Variants in NUBP2 observed in about 807,000 individuals in gnomAD.
NUBP2 encodes the protein cytosolic Fe-S cluster assembly factor NUBP2.
Under a neutral mutation model 24.9 loss-of-function variants are expected in NUBP2, and 23 were observed. That is an observed-to-expected ratio of 0.92 (90% CI 0.66 to 1.31). The LOEUF is 1.31. NUBP2 is among the 50% of genes most tolerant of loss of function. The probability of loss-of-function intolerance (pLI) is 0.00; values close to 1 mark genes in which losing one functional copy is unlikely to be tolerated. For synonymous variants in NUBP2, 186 were observed against 170.9 expected (o/e 1.09, Z -0.69); for missense variants, 403 against 386.5 (o/e 1.04, Z -0.36).
intron 1 of NUBP2, chr16:1,786,245 T>C (rs1896959524): frequency 6.6e-6 from 3 of 456,598 alleles, no homozygotes; most frequent in South Asian, 5.4e-5. Context: ...AAGGAACGCA[T>C]GCACCCTTCC....
chr16:1,788,041 C>T lies in NUBP2; in HGVS notation c.590C>T (p.Pro197Leu). 6.3e-7 allele frequency: 1 copy of T among 1,592,064 alleles called. No individual in the cohort carries two copies. Among genetic ancestry groups the T allele is most frequent in the Non-Finnish European group, 8.5e-7 (1 of 1,172,426 alleles). Residue 197 changes from proline to leucine, a missense_variant, in exon 5 of 7, where the codon CCA becomes CTA. Coordinates refer to ENST00000262302, the MANE Select transcript of NUBP2 (RefSeq NM_012225.4). ...IVENMSGFTC[P>L]HCTECTSVFS... ...GAGAATATGAGCGGCTTCACCTGCC[C>T]ACACTGCACGGTGAGTCCCGGGGGT...
chr16:1,788,400 G>C (rs550345270), intron 6 of NUBP2, among the ~76,000 whole-genome samples, 169 bp from the exon 7 acceptor site: 20 of 152,300 alleles, frequency 1.3e-4, no homozygotes, highest in African/African-American at 4.8e-4. Context: ...GGGCCCTCTC[G>C]GGTGGCAGGA....
At chr16:1,785,951 C>T (rs1896945526) in intron 1 of NUBP2, 3 of 1,248,320 alleles carry the variant, frequency 2.4e-6, no homozygotes, top group Middle Eastern at 2.9e-4. Flanking sequence ...GCAGCCCCTG[C>T]CGTGTGGCAG....
chr16:1,785,779 G>A (rs746508391), intron 1 of NUBP2: 16 of 1,289,018 alleles, frequency 1.2e-5, no homozygotes, highest in African/African-American at 1.5e-5. Context: ...CTTGAGAGGC[G>A]GATCAGAAGG....
At position 1,788,810 on chromosome 16, in the gene NUBP2, AGGGGCAGG is replaced by A; in HGVS notation, c.*97_*104del. On this transcript the variant is annotated 3_prime_UTR_variant, in exon 7 of 7. Coordinates refer to ENST00000262302, the MANE Select transcript of NUBP2 (RefSeq NM_012225.4). The stretch of plus-strand genomic sequence containing the variant: ...CCTGGGCTCGGTTCCCGGGCCCTGC[AGGGGCAGG>A]CCCAGGCAGCGTCAGCCGGAGAGCT... 1 of 1,425,024 alleles carries A rather than the reference AGGGGCAGG, an allele frequency of 7.0e-7. No homozygotes were observed. Among genetic ancestry groups the A allele is most frequent in the Non-Finnish European group, 9.3e-7 (1 of 1,075,814 alleles). The allele number at this position is 1,425,024 out of a possible 1,614,324, so 88.3% of individuals were successfully genotyped here. A position where few individuals can be genotyped will look rare whatever the true frequency, so the allele number is the denominator to read the frequency against.
In NUBP2 at chr16:1,788,010, A is replaced by G. The variant is rs1252398131; in HGVS notation, c.559A>G (p.Ile187Val). The change falls in exon 5 of 7, where the codon ATC becomes GTC. Residue 187 changes from isoleucine to valine, a missense_variant. Ile to Val is a conservative substitution (Grantham distance 29). Coordinates refer to ENST00000262302, the MANE Select transcript of NUBP2 (RefSeq NM_012225.4). ...CRKTGLRVMG[I>V]VENMSGFTCP... is the part of the protein sequence containing the mutation. ...GAAGACGGGCTTGCGGGTGATGGGA[A>G]TCGTGGAGAATATGAGCGGCTTCAC... The G allele has an allele frequency of 6.2e-7, 1 of 1,603,090 alleles. No homozygotes were observed. Among genetic ancestry groups the G allele is most frequent in the African/African-American group, 1.3e-5 (1 of 74,112 alleles).
intron 1 of NUBP2, 84 bp downstream of exon 1, chr16:1,783,120 G>C (rs547742553): frequency 6.6e-6 from 8 of 1,213,176 alleles, no homozygotes; most frequent in Non-Finnish European, 8.2e-6. Flanking sequence ...GCCTCGCTGC[G>C]TCGCGCGCCT....
At chr16:1,786,726 C>T (rs778153679) in intron 2 of NUBP2, 31 bp from the exon 3 acceptor site, 5 of 1,609,470 alleles carry the variant, frequency 3.1e-6, no homozygotes, top group Middle Eastern at 1.6e-4. Flanking sequence ...CCTGGCGGTG[C>T]CCCCGGCCTA....
At position 1,788,763 on chromosome 16, in the gene NUBP2, C is replaced by T; in HGVS notation, c.*49C>T. 1 of 1,564,768 alleles carries T rather than the reference C, an allele frequency of 6.4e-7. No homozygotes were observed. The highest frequency in any genetic ancestry group is 2.3e-5 in the East Asian group (1 of 43,824). On this transcript the variant is annotated 3_prime_UTR_variant, in exon 7 of 7. Coordinates refer to ENST00000262302, the MANE Select transcript of NUBP2 (RefSeq NM_012225.4). ...TCCAGGGCCACCAAGGGCTCTGCTC[C>T]AGCCTCTCAGAGAAACAGAGGCCTG...
intron 3 of NUBP2, chr16:1,787,342 G>A (rs1023615311): frequency 4.5e-6 from 2 of 440,978 alleles, no homozygotes; most frequent in South Asian, 3.6e-5. Context: ...GCACCAGTGG[G>A]GCATCCACCA....
At chr16:1,788,283 C>A (rs1257254835) in intron 6 of NUBP2, 76 bp downstream of exon 6, 2 of 1,339,144 alleles carry the variant, frequency 1.5e-6, no homozygotes, top group African/African-American at 1.5e-5. Context: ...ACCTCCATGC[C>A]CCCAGTGCCC....
At chr16:1,783,372 C>A (rs1378918298) in intron 1 of NUBP2, 1 of 1,083,468 alleles carries the variant, frequency 9.2e-7, no homozygotes, top group East Asian at 5.9e-5. Flanking sequence ...TGCAACTGCA[C>A]CGCAGCCCGG....
rs1897124855 is a variant in NUBP2 at position 1,788,814 on chromosome 16, G to A, written c.*100G>A. The A allele has an allele frequency of 7.2e-7, 1 of 1,387,056 alleles. No individual in the cohort carries two copies. Among genetic ancestry groups the A allele is most frequent in the Non-Finnish European group, 9.5e-7 (1 of 1,049,730 alleles). 85.9% of individuals were successfully genotyped at this position (1,387,056 alleles called of 1,614,324 possible). Reference sequence around the variant, plus strand: ...GGCTCGGTTCCCGGGCCCTGCAGGGGCAGGCCCAGGCAGCGTCAGCCGGAG... The same window carrying A: ...GGCTCGGTTCCCGGGCCCTGCAGGGACAGGCCCAGGCAGCGTCAGCCGGAG... On this transcript the variant is annotated 3_prime_UTR_variant, in exon 7 of 7. Transcript: ENST00000262302.
In NUBP2 at chr16:1,788,836, G is replaced by A. The variant is rs907159668; in HGVS notation, c.*122G>A. The A allele has an allele frequency of 2.2e-5, 27 of 1,246,640 alleles. No individual in the cohort carries two copies. The highest frequency in any genetic ancestry group is 5.2e-5 in the East Asian group (2 of 38,224). The allele number at this position is 1,246,640 out of a possible 1,614,324, so 77.2% of individuals were successfully genotyped here. The stretch of plus-strand genomic sequence containing the variant: ...GGGGCAGGCCCAGGCAGCGTCAGCC[G>A]GAGAGCTTCTCCCCGACCAGCCCAG... On this transcript the variant is annotated 3_prime_UTR_variant, in exon 7 of 7. Coordinates refer to ENST00000262302, the MANE Select transcript of NUBP2 (RefSeq NM_012225.4).
At position 1,787,990 on chromosome 16, in the gene NUBP2, C is replaced by CG. The variant is rs1001400199; in HGVS notation, c.542dup (p.Arg183AlafsTer190). On this transcript the variant is annotated frameshift_variant, in exon 5 of 7. Coordinates refer to ENST00000262302, the MANE Select transcript of NUBP2 (RefSeq NM_012225.4). LOFTEE classifies it high-confidence loss of function. ...CGCGAGCTGACCTTCTGTAGGAAGA[C>CG]GGGCTTGCGGGTGATGGGAATCGTG... 1 of 1,605,054 alleles carries CG rather than the reference C, an allele frequency of 6.2e-7. No homozygotes were observed. The highest frequency in any genetic ancestry group is 1.3e-5 in the African/African-American group (1 of 74,284).
rs563884441 is a variant in NUBP2 at position 1,788,975 on chromosome 16, C to G, written c.*261C>G. On this transcript the variant is annotated 3_prime_UTR_variant, in exon 7 of 7. Coordinates refer to ENST00000262302, the MANE Select transcript of NUBP2 (RefSeq NM_012225.4). The stretch of plus-strand genomic sequence containing the variant: ...TGGGCTCTCTTCCCATCCATGTTGC[C>G]TACCTGTGCCCCTGGCAGCCGCGTG... 61 of 474,784 alleles carry G rather than the reference C, an allele frequency of 1.3e-4. No individual in the cohort carries two copies. The highest frequency in any genetic ancestry group is 1.0e-3 in the African/African-American group (52 of 50,546). 29.4% of individuals were successfully genotyped at this position (474,784 alleles called of 1,614,324 possible).
rs1897064323 is a variant in NUBP2 at position 1,787,953 on chromosome 16, G to A, written c.502G>A (p.Gly168Arg). 2 of 1,604,910 alleles carry A rather than the reference G, an allele frequency of 1.2e-6. No individual in the cohort carries two copies. Among genetic ancestry groups the A allele is most frequent in the African/African-American group, 1.3e-5 (1 of 74,492 alleles). ...TCCTGCCCCGCAGGCGGTGTCCGTG[G>A]GGGACGTGAGGCGCGAGCTGACCTT... Reference protein sequence around the residue: ...VVTTPQAVSVGDVRRELTFCR... With the variant: ...VVTTPQAVSVRDVRRELTFCR... The change falls in exon 5 of 7, where the codon GGG becomes AGG. Residue 168 changes from glycine (G) to arginine (R), a missense_variant. Physicochemically the swap from Gly to Arg is moderately radical, Grantham distance 125 (BLOSUM62 -2). Transcript: ENST00000262302.
At chr16:1,787,044 C>T in intron 3 of NUBP2, 89 bp downstream of exon 3, 1 of 1,280,038 alleles carries the variant, frequency 7.8e-7, no homozygotes, top group Non-Finnish European at 1.0e-6. Flanking sequence ...TCTTCAGCAG[C>T]CAGGCCTGTT....
intron 1 of NUBP2, 102 bp from the exon 2 acceptor site, chr16:1,786,435 G>A (rs1206353232): frequency 9.7e-7 from 1 of 1,032,602 alleles, no homozygotes; most frequent in Non-Finnish European, 1.4e-6. Context: ...ATTCACCACT[G>A]CCCCGCTCAG....
Sources: allele counts gnomAD v4.1 joint callset (sites outside exome capture counted in the v4.1 genomes callset), GRCh38; gene constraint gnomAD v4.1.1; transcripts MANE v1.5; gene names NCBI Gene and HGNC (gene_info 2026-07-23, HGNC 2026-07-21).